NSD2: variants seen among roughly 807,000 people sequenced by gnomAD.
The protein encoded by NSD2 is nuclear receptor binding SET domain protein 2.
A neutral mutation model predicts 139.0 loss-of-function variants in NSD2; 12 were observed. The ratio of observed to expected loss-of-function variants is 0.09; its 90% CI spans 0.06 to 0.14. The LOEUF is 0.14. Ranked by LOEUF, NSD2 falls within the 10% of genes least tolerant of loss-of-function variation. The probability of loss-of-function intolerance (pLI) is 1.00; values close to 1 mark genes in which losing one functional copy is unlikely to be tolerated. For synonymous variants in NSD2, 669 were observed against 648.7 expected, an observed-to-expected ratio of 1.03 and a Z score of -0.48; for missense variants, 1,155 against 1,745.0, an observed-to-expected ratio of 0.66 and a Z score of 6.02.
chr4:1,908,171 C>A (rs1718190941), intron 3 of NSD2, among the ~76,000 whole-genome samples: 1 of 152,226 alleles, frequency 6.6e-6, no homozygotes, highest in African/African-American at 2.4e-5. Context: ...TAGTCTAGAA[C>A]AGCACTCCCA....
chr4:1,952,929 C>T (rs1724431170), intron 11 of NSD2: 1 of 1,416,472 alleles, frequency 7.1e-7, no homozygotes, highest in Non-Finnish European at 9.2e-7. Flanking sequence ...AGCAGCACCT[C>T]ACTTATGGGA....
In NSD2 at chr4:1,953,427, C is replaced by T. The variant is rs1294554391; in HGVS notation, c.2241C>T (p.Tyr747=). ...KFYHEACVKK[Y]PLTVFESRGF... The stretch of plus-strand genomic sequence containing the variant: ...ACCATGAGGCTTGTGTGAAAAAATA[C>T]CCTCTGACTGTATTTGAGAGCCGAG... The change falls in exon 12 of 22, where the codon TAC becomes TAT. Residue 747 remains tyrosine (Y), a synonymous_variant. Transcript: ENST00000508803. 15 of 1,614,066 alleles carry T rather than the reference C, an allele frequency of 9.3e-6. No homozygotes were observed. Among genetic ancestry groups the T allele is most frequent in the East Asian group, 6.7e-5 (3 of 44,902 alleles).
chr4:1,904,655 G>C (rs1431038633), intron 3 of NSD2, among the ~76,000 whole-genome samples: 3 of 152,196 alleles, frequency 2.0e-5, no homozygotes, highest in Non-Finnish European at 4.4e-5. Flanking sequence ...TAGTTACGAT[G>C]ATTGCTTGTT....
intron 5 of NSD2, among the ~76,000 whole-genome samples, chr4:1,925,402 T>C (rs951838491): frequency 1.4e-5 from 2 of 138,162 alleles, no homozygotes; most frequent in African/African-American, 5.4e-5. Flanking sequence ...TTTTTTTTTT[T>C]TTTTTTTTTT....
chr4:1,955,465 G>A lies in NSD2; in HGVS notation c.2518+125G>A, dbSNP rs960575221. Reference sequence around the variant, plus strand: ...TTGACAGTGTTCTGTGCGTCTTCACGTTAATAGTATATCACAGTAGCTCTA... The same window carrying A: ...TTGACAGTGTTCTGTGCGTCTTCACATTAATAGTATATCACAGTAGCTCTA... On this transcript the variant is annotated intron_variant, in intron 13 of 21. Transcript: ENST00000508803. The surrounding 1 kb of genome is among the most constrained non-coding windows in gnomAD (Gnocchi z 4.7). The A allele has an allele frequency of 1.2e-5, 16 of 1,308,162 alleles. No individual in the cohort carries two copies. The highest frequency in any genetic ancestry group is 5.9e-5 in the African/African-American group (4 of 67,328). The allele number at this position is 1,308,162 out of a possible 1,614,324, so 81.0% of individuals were successfully genotyped here.
rs541298366 is a variant in NSD2, at chr4:1,917,089, C to A, written c.927+52C>A. On this transcript the variant is annotated intron_variant, in intron 4 of 21. Transcript: ENST00000508803. Reference sequence around the variant, plus strand: ...TTAGACCAGAAATTTAATTTTTATTCTTTAAGTTAACTTATTTTTGTTTTG... The same window carrying A: ...TTAGACCAGAAATTTAATTTTTATTATTTAAGTTAACTTATTTTTGTTTTG... 1.2e-5 allele frequency: 18 copies of A among 1,476,834 alleles called. No homozygotes were observed. In the South Asian group the frequency reaches 2.2e-4, roughly 18 times the overall value. 91.5% of individuals were successfully genotyped at this position (1,476,834 alleles called of 1,614,324 possible).
chr4:1,911,587 C>CAAAAAAAAA (rs372660600), intron 3 of NSD2, among the ~76,000 whole-genome samples: 28 of 42,048 alleles, frequency 6.7e-4, no homozygotes, highest in Middle Eastern at 0.018. Flanking sequence ...GACGCCATCT[C>CAAAAAAAAA]AAAAAAAAAA....
intron 9 of NSD2, chr4:1,944,150 C>A (rs906410299): frequency 9.4e-7 from 1 of 1,066,274 alleles, no homozygotes; most frequent in Non-Finnish European, 1.1e-6. Flanking sequence ...GAACTCAGCA[C>A]TCTGCAGTGA....
At chr4:1,930,442 T>C (rs1336725571) in intron 5 of NSD2, among the ~76,000 whole-genome samples, 184 bp from the exon 6 acceptor site, 1 of 152,226 alleles carries the variant, frequency 6.6e-6, no homozygotes, top group African/African-American at 2.4e-5. Flanking sequence ...TGAGTTTTCA[T>C]TGAGTCACAG....
rs969461013 is a variant in NSD2, at chr4:1,973,734, C to T, written c.3373-1129C>T. ...AGAGGCCGCGTGTGAATAGTGACTC[C>T]GAAGCCTGCCGCTTCCTGGGACCAT... On this transcript the variant is annotated intron_variant, in intron 18 of 21. Coordinates refer to ENST00000508803, the MANE Select transcript of NSD2 (RefSeq NM_001042424.3). The surrounding 1 kb of genome is among the most constrained non-coding windows in gnomAD (Gnocchi z 5.5). 6.6e-6 allele frequency among the ~76,000 whole-genome samples: 1 copy of T among 152,336 alleles called. No homozygotes were observed.
In NSD2 at chr4:1,901,913, G is replaced by A. The variant is rs866056894; in HGVS notation, c.597+662G>A. Among the ~76,000 whole-genome samples the A allele has an allele frequency of 3.9e-5, 6 of 152,334 alleles. No individual in the cohort carries two copies. In the South Asian group the frequency reaches 1.0e-3, roughly 26 times the overall value. Reference sequence around the variant, plus strand: ...ATCCTAACTTGCGATGGAAAGGTGTGGTGGTGCTGCTCCATTCTGCCTGGT... The same window carrying A: ...ATCCTAACTTGCGATGGAAAGGTGTAGTGGTGCTGCTCCATTCTGCCTGGT... On this transcript the variant is annotated intron_variant, in intron 2 of 21. Transcript: ENST00000508803.
intron 1 of NSD2, among the ~76,000 whole-genome samples, chr4:1,898,530 G>C (rs575101070): frequency 2.0e-3 from 307 of 152,062 alleles, no homozygotes; most frequent in Non-Finnish European, 3.8e-3. Flanking sequence ...CGGGCGTGGT[G>C]GTGGGCGCCT....
chr4:1,896,692 G>A (rs373556731), intron 1 of NSD2, among the ~76,000 whole-genome samples: 8 of 126,914 alleles, frequency 6.3e-5, no homozygotes, highest in East Asian at 5.1e-4. Context: ...CTTCCTTCCC[G>A]AACTCTTCCA....
chr4:1,915,518 T>C (rs1219182806), intron 3 of NSD2, among the ~76,000 whole-genome samples: 2 of 152,188 alleles, frequency 1.3e-5, no homozygotes, highest in African/African-American at 4.8e-5. Context: ...TATCTTCTCT[T>C]CCCTTGCCTT....
rs762708142 is a variant in NSD2, at chr4:1,961,324, C to T, written c.3372+173C>T. ...GGTGCAGCGTGTCTTTCAGCTGCGCCGGAGGGCTAGAGCTAACCACCTCTC... is the reference window on the plus strand; with the variant it reads ...GGTGCAGCGTGTCTTTCAGCTGCGCTGGAGGGCTAGAGCTAACCACCTCTC... On this transcript the variant is annotated intron_variant, in intron 18 of 21. Transcript: ENST00000508803. 3.9e-5 allele frequency among the ~76,000 whole-genome samples: 6 copies of T among 152,156 alleles called. 1 individual carries two copies. Among genetic ancestry groups the T allele is most frequent in the South Asian group, 4.1e-4 (2 of 4,832 alleles).
In NSD2 at chr4:1,974,273, C is replaced by T. The variant is rs1160170526; in HGVS notation, c.3373-590C>T. Among the ~76,000 whole-genome samples the T allele has an allele frequency of 6.6e-6, 1 of 150,496 alleles. No individual in the cohort carries two copies. Among genetic ancestry groups the T allele is most frequent in the Non-Finnish European group, 1.5e-5 (1 of 67,578 alleles). Reference sequence around the variant, plus strand: ...TTGCCCAGGCTGGAGTGCAGTGGCGCGATCTCCACTCTCTGTAACCTCCGC... The same window carrying T: ...TTGCCCAGGCTGGAGTGCAGTGGCGTGATCTCCACTCTCTGTAACCTCCGC... On this transcript the variant is annotated intron_variant, in intron 18 of 21. Transcript: ENST00000508803. This position sits in a 1 kb window ranked among gnomAD's most constrained non-coding sequence, Gnocchi z 4.0.
chr4:1,895,213 T>C (rs895763565), intron 1 of NSD2, among the ~76,000 whole-genome samples: 3 of 152,246 alleles, frequency 2.0e-5, no homozygotes, highest in African/African-American at 7.2e-5. Flanking sequence ...TTTTGGCTAC[T>C]GTAATAGTGC....
At position 1,948,806 on chromosome 4, in the gene NSD2, GT is replaced by G. The variant is rs1443698347; in HGVS notation, c.1882-2264del. 1.9e-6 allele frequency: 2 copies of G among 1,032,950 alleles called. No homozygotes were observed. Among genetic ancestry groups the G allele is most frequent in the African/African-American group, 3.4e-5 (2 of 59,296 alleles). The allele number at this position is 1,032,950 out of a possible 1,614,324, so 64.0% of individuals were successfully genotyped here. A position where few individuals can be genotyped will look rare whatever the true frequency, so the allele number is the denominator to read the frequency against. ...CTGTAAATCTGAAATAAAAGGTGCT[GT>G]TCCTTCCTCTGACCCAGGACTGCTT... On this transcript the variant is annotated intron_variant, in intron 9 of 21. Transcript: ENST00000508803. The surrounding 1 kb of genome is among the most constrained non-coding windows in gnomAD (Gnocchi z 4.5).
chr4:1,935,304 C>A, intron 7 of NSD2, 42 bp downstream of exon 7: 1 of 1,478,052 alleles, frequency 6.8e-7, no homozygotes, highest in Non-Finnish European at 9.4e-7. Context: ...AGAGTGTATG[C>A]TCTGTGACTC....
Sources: allele counts gnomAD v4.1 joint callset (sites outside exome capture counted in the v4.1 genomes callset), GRCh38; gene constraint gnomAD v4.1.1; non-coding constraint Gnocchi (gnomAD v3.1); transcripts MANE v1.5; gene names NCBI Gene and HGNC (gene_info 2026-07-23, HGNC 2026-07-21).